LPIN1: variants seen among roughly 807,000 people sequenced by gnomAD.
LPIN1 encodes lipin 1, also known as phosphatidate phosphatase LPIN1.
A neutral mutation model predicts 107.5 loss-of-function variants in LPIN1; 71 were observed. The ratio of observed to expected loss-of-function variants is 0.66; its 90% CI spans 0.55 to 0.80. The LOEUF (loss-of-function observed/expected upper bound fraction) is 0.80. Among genes scored for constraint, LPIN1 ranks in the 30% least tolerant of loss-of-function variants. The pLI is 0.00. For synonymous variants in LPIN1, 445 were observed against 452.6 expected, an observed-to-expected ratio of 0.98 and a Z score of 0.21; for missense variants, 1,043 against 1,160.6, an observed-to-expected ratio of 0.90 and a Z score of 1.47.
chr2:11,760,809 C>G (rs1669704231), intron 1 of LPIN1, among the ~76,000 whole-genome samples: 1 of 152,174 alleles, frequency 6.6e-6, no homozygotes, highest in South Asian at 2.1e-4. Context: ...CGTAGATGTG[C>G]TGGCCTGGGG....
At chr2:11,693,168 G>C (rs1212468272) in intron 1 of LPIN1, among the ~76,000 whole-genome samples, 1 of 151,618 alleles carries the variant, frequency 6.6e-6, no homozygotes, top group Non-Finnish European at 1.5e-5. Flanking sequence ...AGGTACAGTC[G>C]TGGTCCAAAG....
At chr2:11,798,847 C>T (rs918045799) in intron 14 of LPIN1, among the ~76,000 whole-genome samples, 17 of 151,668 alleles carry the variant, frequency 1.1e-4, no homozygotes, top group Admixed American at 7.2e-4. Context: ...CCCCGAAGTC[C>T]CATAATTGAG....
At chr2:11,680,574 G>A (rs1191638594) in intron 1 of LPIN1, among the ~76,000 whole-genome samples, 2 of 152,216 alleles carry the variant, frequency 1.3e-5, no homozygotes, top group Non-Finnish European at 2.9e-5. Flanking sequence ...AGGGCTGGAG[G>A]AGGCCTCTCT....
In LPIN1 at chr2:11,786,528, A is replaced by C. The variant is rs796955630; in HGVS notation, c.1550-546A>C. On this transcript the variant is annotated intron_variant, in intron 10 of 20. Transcript: ENST00000674199. This position sits in a 1 kb window ranked among gnomAD's most constrained non-coding sequence, Gnocchi z 4.1. ...GTGGGGCTGCCCCACCATGATGAGAACAGTGCCCTGCCTGCTTCTGATTGT... is the reference window on the plus strand; with the variant it reads ...GTGGGGCTGCCCCACCATGATGAGACCAGTGCCCTGCCTGCTTCTGATTGT... 2.8e-4 allele frequency among the ~76,000 whole-genome samples: 42 copies of C among 152,178 alleles called. No individual in the cohort carries two copies. Among genetic ancestry groups the C allele is most frequent in the African/African-American group, 9.9e-4 (41 of 41,534 alleles).
At chr2:11,759,126 TTC>T (rs1201560348) in intron 1 of LPIN1, among the ~76,000 whole-genome samples, 3 of 135,632 alleles carry the variant, frequency 2.2e-5, no homozygotes, top group African/African-American at 8.1e-5. Flanking sequence ...CTAGCTTGCT[TTC>T]TTTCTTTTCT....
At chr2:11,681,280 C>G (rs1264232587) in intron 1 of LPIN1, among the ~76,000 whole-genome samples, 5 of 152,200 alleles carry the variant, frequency 3.3e-5, no homozygotes, top group African/African-American at 7.2e-5. Context: ...TGTGTGTCCC[C>G]CACCCAAAGC....
chr2:11,729,034 T>G (rs1297583037), intron 1 of LPIN1, among the ~76,000 whole-genome samples: 1 of 152,228 alleles, frequency 6.6e-6, no homozygotes, highest in East Asian at 1.9e-4. Context: ...TTGGCTTTTG[T>G]TGCAATTGCT....
chr2:11,793,053 T>A (rs1426788983), intron 13 of LPIN1, among the ~76,000 whole-genome samples: 1 of 152,164 alleles, frequency 6.6e-6, no homozygotes, highest in African/African-American at 2.4e-5. Flanking sequence ...CTACTCCACA[T>A]CCACTTATCA....
intron 1 of LPIN1, among the ~76,000 whole-genome samples, chr2:11,680,129 A>G (rs1359734390): frequency 1.3e-5 from 2 of 151,944 alleles, no homozygotes; most frequent in African/African-American, 4.8e-5. Context: ...CTGAGGGGGG[A>G]TGCAGGAGAT....
chr2:11,800,500 C>T (rs548139223), intron 14 of LPIN1, among the ~76,000 whole-genome samples: 53 of 152,166 alleles, frequency 3.5e-4, no homozygotes, highest in East Asian at 1.2e-3. Flanking sequence ...CTTCGCCTCC[C>T]GGGTCCAAGT....
At chr2:11,743,781 A>G (rs1420769188), upstream of LPIN1, among the ~76,000 whole-genome samples, 1 of 152,104 alleles carries the variant, frequency 6.6e-6, no homozygotes, top group East Asian at 1.9e-4. The surrounding 1 kb of genome is among the most constrained non-coding windows in gnomAD (Gnocchi z 4.7). Context: ...TTCCTACAGT[A>G]GCTCGCAGGG....
intron 1 of LPIN1, among the ~76,000 whole-genome samples, chr2:11,680,456 G>C (rs1661654380): frequency 1.3e-5 from 2 of 152,102 alleles, no homozygotes; most frequent in African/African-American, 4.8e-5. Context: ...TGAAAGGCCT[G>C]GTCTCTCCCT....
chr2:11,734,252 A>G lies in LPIN1; in HGVS notation c.-71-7097A>G, dbSNP rs76324611. ...GGAACACATAGGATGAGGGATGGAT[A>G]ATAGTAATAATAACGAGCATGAGGG... On this transcript the variant is annotated intron_variant, in intron 1 of 21. Transcript: ENST00000396097. Among the ~76,000 whole-genome samples the G allele has an allele frequency of 9.2e-3, 1,390 of 150,604 alleles. 23 individuals are homozygous for G. Among genetic ancestry groups the G allele is most frequent in the African/African-American group, 0.032 (1,308 of 41,024 alleles).
chr2:11,778,878 C>G (rs1311248785), intron 6 of LPIN1, among the ~76,000 whole-genome samples: 2 of 152,166 alleles, frequency 1.3e-5, no homozygotes, highest in African/African-American at 2.4e-5. Context: ...GAGGTGGTTA[C>G]TGAGCGAGCC....
intron 1 of LPIN1, among the ~76,000 whole-genome samples, chr2:11,752,449 T>TTTTTTTTTTTTA (rs3035995): frequency 1.9e-5 from 2 of 103,286 alleles, no homozygotes. Flanking sequence ...TTTTTTTTTT[T>TTTTTTTTTTTTA]GAGACGGAGT....
At chr2:11,722,300 G>A (rs1046528057), upstream of LPIN1, 2 of 152,254 alleles carry the variant, frequency 1.3e-5, no homozygotes, top group African/African-American at 4.8e-5. Flanking sequence ...CTGAATGCCA[G>A]CCCTTAGACA....
chr2:11,773,472 C>T (rs1233725392), intron 4 of LPIN1, 148 bp from the exon 5 acceptor site: 2 of 670,792 alleles, frequency 3.0e-6, no homozygotes, highest in African/African-American at 3.6e-5. Flanking sequence ...CTCACTTTTT[C>T]CCCCTCCACT....
At chr2:11,793,640 T>G (rs1676167957) in intron 13 of LPIN1, among the ~76,000 whole-genome samples, 1 of 152,200 alleles carries the variant, frequency 6.6e-6, no homozygotes, top group Non-Finnish European at 1.5e-5. Context: ...CTATTTTCAT[T>G]ACTTAGTATT....
chr2:11,746,573 GC>G (rs1666946034), upstream of LPIN1: 3 of 855,432 alleles, frequency 3.5e-6, no homozygotes, highest in Non-Finnish European at 2.8e-6. Flanking sequence ...CCTGCCCTCT[GC>G]CCCCGCCCCT....
Sources: allele counts gnomAD v4.1 joint callset (sites outside exome capture counted in the v4.1 genomes callset), GRCh38; gene constraint gnomAD v4.1.1; non-coding constraint Gnocchi (gnomAD v3.1); transcripts MANE v1.5; gene names NCBI Gene and HGNC (gene_info 2026-07-23, HGNC 2026-07-21).